CACNA2D1: variants seen among roughly 807,000 people sequenced by gnomAD.
CACNA2D1 encodes the protein calcium voltage-gated channel auxiliary subunit alpha2delta 1.
Under a neutral mutation model 171.5 loss-of-function variants are expected in CACNA2D1, and 53 were observed. The observed-to-expected ratio is 0.31, with a 90% CI of 0.25 to 0.39. The LOEUF (loss-of-function observed/expected upper bound fraction) is 0.39. CACNA2D1 is among the 10% of genes least tolerant of loss of function. CACNA2D1 has a pLI of 1.00. For missense variants in CACNA2D1, 903 were observed against 1,299.8 expected (o/e 0.69, Z 4.69); for synonymous variants, 442 against 443.1 (o/e 1.00, Z 0.03).
chr7:82,149,122 C>A (rs554480848), intron 4 of CACNA2D1, among the ~76,000 whole-genome samples: 9 of 152,148 alleles, frequency 5.9e-5, no homozygotes, highest in Non-Finnish European at 7.4e-5. Flanking sequence ...GATCACCTGC[C>A]TGAGCCCTGT....
intron 1 of CACNA2D1, among the ~76,000 whole-genome samples, chr7:82,389,870 C>G (rs1030568082): frequency 1.3e-5 from 2 of 152,084 alleles, no homozygotes; most frequent in African/African-American, 4.8e-5. Context: ...AAAATTCTGA[C>G]GTGTTTGTTT....
chr7:82,262,914 A>G (rs553224091), intron 3 of CACNA2D1, among the ~76,000 whole-genome samples: 9 of 152,190 alleles, frequency 5.9e-5, no homozygotes, highest in African/African-American at 2.2e-4. Flanking sequence ...AAACAGGCCA[A>G]GGAGAATCTG....
intron 12 of CACNA2D1, among the ~76,000 whole-genome samples, chr7:82,022,011 A>G (rs180953671): frequency 6.6e-6 from 1 of 152,118 alleles, no homozygotes; most frequent in East Asian, 1.9e-4. Flanking sequence ...TAAAGTTTAC[A>G]TCATATCATA....
At chr7:82,170,659 A>T (rs1795921914) in intron 3 of CACNA2D1, 50 bp from the exon 4 acceptor site, 3 of 1,517,440 alleles carry the variant, frequency 2.0e-6, no homozygotes, top group Admixed American at 3.3e-5. Flanking sequence ...CGTAATATGG[A>T]ATTGTTATAT....
At chr7:82,014,192 TATA>T (rs1193616121) in intron 13 of CACNA2D1, among the ~76,000 whole-genome samples, 1 of 152,142 alleles carries the variant, frequency 6.6e-6, no homozygotes, top group Non-Finnish European at 1.5e-5. Context: ...AATGTGGAAA[TATA>T]ATCAGATATC....
At chr7:82,107,239 G>A (rs1280022000) in intron 6 of CACNA2D1, among the ~76,000 whole-genome samples, 1 of 152,118 alleles carries the variant, frequency 6.6e-6, no homozygotes, top group Non-Finnish European at 1.5e-5. Context: ...AATGCTCCCA[G>A]GGCCATGGAA....
At chr7:82,398,891 T>C (rs775861436) in intron 1 of CACNA2D1, among the ~76,000 whole-genome samples, 1 of 125,950 alleles carries the variant, frequency 7.9e-6, no homozygotes, top group African/African-American at 3.1e-5. Context: ...ATTCTCCCCT[T>C]TTTTTTTCCT....
Position 82,012,256 on chromosome 7 carries a change from A to G in CACNA2D1, c.1273-13T>C, listed in dbSNP as rs769275864. 5 of 1,252,826 alleles carry G rather than the reference A, an allele frequency of 4.0e-6. No individual in the cohort carries two copies. The highest frequency in any genetic ancestry group is 2.0e-5 in the Admixed American group (1 of 50,370). The allele number at this position is 1,252,826 out of a possible 1,614,324, so 77.6% of individuals were successfully genotyped here. On this transcript the variant is annotated splice_polypyrimidine_tract_variant and intron_variant, in intron 14 of 38. Transcript: ENST00000356860. ...CATCCAAATATTCCTGTTTATGGGAAAAAAAAAAAAAGTCGTGGTTAAAAC... is the reference window on the plus strand; with the variant it reads ...CATCCAAATATTCCTGTTTATGGGAGAAAAAAAAAAAGTCGTGGTTAAAAC...
At position 81,948,752 on chromosome 7, in the gene CACNA2D1, C is replaced by T. The variant is rs762620232; in HGVS notation, c.*1640G>A. On this transcript the variant is annotated 3_prime_UTR_variant, in exon 39 of 39. Coordinates refer to ENST00000356860, the MANE Select transcript of CACNA2D1 (RefSeq NM_000722.4). ...TTTTATCATAAAAAATATCTACATA[C>T]GTTCAGCCTTCAGTAAAATTATTAA... is the stretch of plus-strand genomic sequence containing the variant. 5.9e-5 allele frequency: 9 copies of T among 151,824 alleles called. No individual in the cohort carries two copies. The highest frequency in any genetic ancestry group is 1.9e-4 in the East Asian group (1 of 5,188). The allele number at this position is 151,824 out of a possible 1,614,324, so 9.4% of individuals were successfully genotyped here.
chr7:82,190,023 C>A (rs1798139252), intron 3 of CACNA2D1, among the ~76,000 whole-genome samples: 1 of 151,766 alleles, frequency 6.6e-6, no homozygotes, highest in Non-Finnish European at 1.5e-5. Context: ...AATTAGGTAA[C>A]CCTACTTTGC....
chr7:82,337,367 G>A (rs1005173609), intron 2 of CACNA2D1, among the ~76,000 whole-genome samples: 6 of 152,208 alleles, frequency 3.9e-5, no homozygotes, highest in African/African-American at 1.4e-4. Flanking sequence ...AATCATCTTT[G>A]TTGTCATGAC....
chr7:82,174,042 CAAAA>C (rs71093365), intron 3 of CACNA2D1, among the ~76,000 whole-genome samples: 4 of 45,628 alleles, frequency 8.8e-5, no homozygotes, highest in African/African-American at 1.8e-4. Context: ...GACCCTGTCT[CAAAA>C]AAAAAAAAAA....
chr7:82,275,974 T>C (rs1451275861), intron 3 of CACNA2D1, among the ~76,000 whole-genome samples: 3 of 152,162 alleles, frequency 2.0e-5, no homozygotes, highest in Admixed American at 6.5e-5. Context: ...CTAGTTTACA[T>C]CTACACCAAA....
chr7:82,402,593 C>A (rs1826546826), intron 1 of CACNA2D1, among the ~76,000 whole-genome samples: 1 of 151,004 alleles, frequency 6.6e-6, no homozygotes, highest in South Asian at 2.1e-4. Context: ...TGCCTGTAGT[C>A]CCAGCTATTC....
At chr7:82,066,774 A>G (rs931276046) in intron 7 of CACNA2D1, among the ~76,000 whole-genome samples, 6 of 152,102 alleles carry the variant, frequency 3.9e-5, no homozygotes, top group Non-Finnish European at 8.8e-5. Flanking sequence ...ATTTACACAT[A>G]CAGTTTTTCC....
rs1242566701 is a variant in CACNA2D1 at position 81,950,454 on chromosome 7, T to A, written c.3214A>T (p.Ile1072Phe). 1.2e-6 allele frequency: 2 copies of A among 1,612,876 alleles called. No homozygotes were observed. The highest frequency in any genetic ancestry group is 1.7e-6 in the Non-Finnish European group (2 of 1,179,590). The change falls in exon 39 of 39, where the codon ATC (isoleucine) becomes TTC (phenylalanine). Residue 1072 changes from isoleucine (I) to phenylalanine (F), a missense_variant. Ile to Phe is a conservative substitution (Grantham distance 21, BLOSUM62 0). Around this residue, in one of 5 missense-constraint regions of CACNA2D1, gnomAD observed 38 missense variants for 29.2 expected, o/e 1.30. Transcript: ENST00000356860. Reference protein sequence around the residue: ...VSGLNPSLWYIIGIQFLLLWL... With the variant: ...VSGLNPSLWYFIGIQFLLLWL... The stretch of plus-strand genomic sequence containing the variant: ...AGTAGTAGAAACTGGATTCCAATGA[T>A]ATACCACAGGGAGGGATTTAATCCA...
intron 3 of CACNA2D1, among the ~76,000 whole-genome samples, chr7:82,197,366 T>C (rs1161126426): frequency 6.6e-6 from 1 of 152,052 alleles, no homozygotes; most frequent in Non-Finnish European, 1.5e-5. Flanking sequence ...ATTTCCAAAA[T>C]AAACTGATTT....
intron 3 of CACNA2D1, among the ~76,000 whole-genome samples, chr7:82,294,326 T>C (rs536777171): frequency 6.6e-5 from 10 of 152,226 alleles, no homozygotes; most frequent in Non-Finnish European, 1.2e-4. Context: ...AGCTGTAACA[T>C]AGATGCAGGA....
intron 2 of CACNA2D1, among the ~76,000 whole-genome samples, chr7:82,348,732 A>G (rs1414042695): frequency 6.6e-6 from 1 of 152,148 alleles, no homozygotes; most frequent in African/African-American, 2.4e-5. Context: ...CATGCTATAT[A>G]TGAAGCTGCT....
Sources: gnomAD v4.1 joint callset for allele counts (sites outside exome capture counted in the v4.1 genomes callset) on GRCh38, gnomAD v4.1.1 for gene constraint, gnomAD v4.1.1 regional missense constraint, MANE v1.5 for transcripts, NCBI Gene and HGNC (gene_info 2026-07-23, HGNC 2026-07-21) for gene names.